The following EPHA6 variants were observed in gnomAD, a reference collection of about 807,000 sequenced individuals.
EPHA6 encodes ephrin type-A receptor 6.
Under a neutral mutation model 112.0 loss-of-function variants are expected in EPHA6, and 50 were observed. That is an observed-to-expected ratio of 0.45 (90% CI 0.36 to 0.56). The LOEUF (loss-of-function observed/expected upper bound fraction) is 0.56. Ranked by LOEUF, EPHA6 falls within the 20% of genes least tolerant of loss-of-function variation. The probability of loss-of-function intolerance (pLI) is 0.00; values close to 1 mark genes in which losing one functional copy is unlikely to be tolerated. For synonymous variants in EPHA6, 529 were observed against 490.7 expected (o/e 1.08, Z -1.03); for missense variants, 1,280 against 1,417.4 (o/e 0.90, Z 1.56).
At chr3:97,084,101 G>GATATATATCCAT (rs2046813521) in intron 3 of EPHA6, among the ~76,000 whole-genome samples, 2 of 103,578 alleles carry the variant, frequency 1.9e-5, no homozygotes, top group African/African-American at 3.6e-5. Flanking sequence ...TGTGTGCATG[G>GATATATATCCAT]ATATATATAT....
chr3:97,460,719 G>A (rs1386570568), intron 7 of EPHA6, among the ~76,000 whole-genome samples: 1 of 152,098 alleles, frequency 6.6e-6, no homozygotes, highest in African/African-American at 2.4e-5. Context: ...AAAGACCCAT[G>A]CCCATTGTGT....
intron 3 of EPHA6, among the ~76,000 whole-genome samples, chr3:97,089,905 G>A (rs76273464): frequency 0.015 from 2,282 of 152,066 alleles, 48 homozygotes; most frequent in African/African-American, 0.053. Context: ...AAAACAAACA[G>A]GGAGATTATT....
At chr3:97,073,245 T>C (rs2046413799) in intron 3 of EPHA6, among the ~76,000 whole-genome samples, 2 of 152,168 alleles carry the variant, frequency 1.3e-5, no homozygotes, top group Admixed American at 1.3e-4. Flanking sequence ...ATCCAAATTG[T>C]GTATCTTTCA....
intron 3 of EPHA6, among the ~76,000 whole-genome samples, chr3:97,090,088 A>G (rs1421533570): frequency 6.6e-6 from 1 of 152,082 alleles, no homozygotes; most frequent in Non-Finnish European, 1.5e-5. Flanking sequence ...ATAGAGACAT[A>G]TCATATCGAG....
chr3:97,259,763 C>T (rs2079435928), intron 5 of EPHA6, among the ~76,000 whole-genome samples: 2 of 150,776 alleles, frequency 1.3e-5, no homozygotes, highest in African/African-American at 2.4e-5. Context: ...ACAAGGTTGG[C>T]AGACCAAAAA....
chr3:96,837,068 G>T (rs1218597909), intron 1 of EPHA6, among the ~76,000 whole-genome samples: 2 of 152,094 alleles, frequency 1.3e-5, no homozygotes, highest in African/African-American at 4.8e-5. Flanking sequence ...ATAAGATAGG[G>T]AGGCCAAGAG....
At chr3:97,687,447 GT>G (rs890133219) in intron 14 of EPHA6, among the ~76,000 whole-genome samples, 128 of 151,804 alleles carry the variant, frequency 8.4e-4, no homozygotes, top group African/African-American at 1.4e-4. Flanking sequence ...GAAGCAAGGT[GT>G]TTTTTTTCAT....
chr3:97,193,453 A>G (rs1218687930), intron 3 of EPHA6, among the ~76,000 whole-genome samples: 1 of 152,084 alleles, frequency 6.6e-6, no homozygotes, highest in Non-Finnish European at 1.5e-5. Context: ...TGCTACTGAC[A>G]TATAAGAATA....
intron 7 of EPHA6, among the ~76,000 whole-genome samples, chr3:97,469,375 A>G (rs2091156112): frequency 6.6e-6 from 1 of 151,736 alleles, no homozygotes; most frequent in African/African-American, 2.4e-5. Flanking sequence ...GGAAATCAAT[A>G]AATATATGTG....
chr3:97,456,030 G>A (rs1430052372), intron 7 of EPHA6, among the ~76,000 whole-genome samples: 1 of 151,956 alleles, frequency 6.6e-6, no homozygotes, highest in African/African-American at 2.4e-5. Context: ...CAGGTACTTA[G>A]ATGTTGTAAA....
At chr3:97,236,425 A>C (rs914159499) in intron 4 of EPHA6, among the ~76,000 whole-genome samples, 10 of 152,064 alleles carry the variant, frequency 6.6e-5, no homozygotes, top group African/African-American at 2.2e-4. Flanking sequence ...ATGTATTTAA[A>C]TCAATAGAGA....
chr3:97,429,604 A>C (rs1398532418), intron 6 of EPHA6, among the ~76,000 whole-genome samples: 55 of 152,136 alleles, frequency 3.6e-4, no homozygotes, highest in Non-Finnish European at 7.4e-5. Flanking sequence ...GTTTCTTTTC[A>C]CCTATAGCAT....
intron 3 of EPHA6, among the ~76,000 whole-genome samples, chr3:97,221,339 G>GAAAAAAAAAAA (rs2078192595): frequency 8.4e-6 from 1 of 118,854 alleles, no homozygotes; most frequent in African/African-American, 3.7e-5. Context: ...AAAAAAAAAG[G>GAAAAAAAAAAA]AAAGTAACGA....
intron 10 of EPHA6, among the ~76,000 whole-genome samples, chr3:97,503,158 T>C (rs760194873): frequency 6.6e-6 from 1 of 152,104 alleles, no homozygotes; most frequent in Non-Finnish European, 1.5e-5. Flanking sequence ...TGGAAAATTA[T>C]ATATTACAAA....
At chr3:97,724,004 T>G (rs2034644109) in intron 15 of EPHA6, among the ~76,000 whole-genome samples, 1 of 152,202 alleles carries the variant, frequency 6.6e-6, no homozygotes, top group Non-Finnish European at 1.5e-5. Flanking sequence ...GTATTACATT[T>G]GACTTTTACC....
chr3:97,487,386 G>C (rs1236052325), intron 10 of EPHA6, among the ~76,000 whole-genome samples: 2 of 152,184 alleles, frequency 1.3e-5, no homozygotes, highest in Non-Finnish European at 2.9e-5. Flanking sequence ...TATCACACCT[G>C]ACCTGTGACA....
chr3:97,236,322 G>A (rs1182829760), intron 4 of EPHA6, among the ~76,000 whole-genome samples: 1 of 151,808 alleles, frequency 6.6e-6, no homozygotes, highest in East Asian at 1.9e-4. Flanking sequence ...AGGAGAAGAT[G>A]GAGAGGAATG....
chr3:97,550,952 A>G (rs534334799), intron 11 of EPHA6, among the ~76,000 whole-genome samples: 29 of 152,258 alleles, frequency 1.9e-4, no homozygotes, highest in African/African-American at 7.0e-4. Context: ...CTAATTTTTC[A>G]AGGACTTCAA....
intron 11 of EPHA6, among the ~76,000 whole-genome samples, chr3:97,589,390 A>G (rs561605502): frequency 6.6e-6 from 1 of 152,294 alleles, no homozygotes; most frequent in South Asian, 2.1e-4. Context: ...GGAAGCATGC[A>G]GGCCATGTCA....
Sources: allele counts gnomAD v4.1 joint callset (sites outside exome capture counted in the v4.1 genomes callset), GRCh38; gene constraint gnomAD v4.1.1; transcripts MANE v1.5; gene names NCBI Gene and HGNC (gene_info 2026-07-23, HGNC 2026-07-21).